Variants in MYO9A observed in about 807,000 individuals in gnomAD.
MYO9A encodes myosin IXA.
Under a neutral mutation model 293.3 loss-of-function variants are expected in MYO9A, and 103 were observed. The ratio of observed to expected loss-of-function variants is 0.35; its 90% CI spans 0.30 to 0.41. The LOEUF (loss-of-function observed/expected upper bound fraction) is 0.41. MYO9A is among the 10% of genes least tolerant of loss of function. The pLI is 1.00. For synonymous variants in MYO9A, 1,001 were observed against 1,035.7 expected, an observed-to-expected ratio of 0.97 and a Z score of 0.64; for missense variants, 2,685 against 3,033.0, an observed-to-expected ratio of 0.89 and a Z score of 2.69.
In MYO9A at chr15:71,883,617, A is replaced by C; in HGVS notation, c.5375T>G (p.Ile1792Ser). The C allele has an allele frequency of 6.2e-7, 1 of 1,613,232 alleles. No individual in the cohort carries two copies. The highest frequency in any genetic ancestry group is 8.5e-7 in the Non-Finnish European group (1 of 1,179,670). The change falls in exon 28 of 42, where the codon ATT (isoleucine) becomes AGT (serine). Residue 1792 changes from isoleucine (I) to serine (S), a missense_variant. Physicochemically the swap from Ile to Ser is moderately radical, Grantham distance 142. Transcript: ENST00000356056. The stretch of plus-strand genomic sequence containing the variant: ...ACCATCTGGAAACTGATGAGCTGGA[A>C]TCACATCTGTGCCTGCAAAGAGTGG... Reference protein sequence around the residue: ...VSPLFAGTDVIPAHQFPDELA... With the variant: ...VSPLFAGTDVSPAHQFPDELA...
Position 72,041,345 on chromosome 15 carries a change from C to T in MYO9A, c.840+4379G>A, listed in dbSNP as rs147893323. ...CCTCAGGAACTTCATCAGCTTCTGT[C>T]GGCAGGGAAAGGCAACTATCTTGAA... is the stretch of plus-strand genomic sequence containing the variant. On this transcript the variant is annotated intron_variant, in intron 2 of 41. Coordinates refer to ENST00000356056, the MANE Select transcript of MYO9A (RefSeq NM_006901.4). 1,418 of 577,926 alleles carry T rather than the reference C, an allele frequency of 2.5e-3. 10 individuals carry two copies. The highest frequency in any genetic ancestry group is 4.0e-3 in the Non-Finnish European group (1,210 of 300,914). The allele number at this position is 577,926 out of a possible 1,614,324, so 35.8% of individuals were successfully genotyped here. A position where few individuals can be genotyped will look rare whatever the true frequency, so the allele number is the denominator to read the frequency against.
Position 71,968,093 on chromosome 15 carries a change from T to C in MYO9A, c.1877A>G (p.Asp626Gly), listed in dbSNP as rs778400056. Reference protein sequence around the residue: ...FPQATNQTLLDKFKHQHEDNS... With the variant: ...FPQATNQTLLGKFKHQHEDNS... ...ATCTTCATGTTGATGCTTAAACTTGTCTAGCAATGTTTGATTTGTAGCCTG... is the reference window on the plus strand; with the variant it reads ...ATCTTCATGTTGATGCTTAAACTTGCCTAGCAATGTTTGATTTGTAGCCTG... The change falls in exon 13 of 42, where the codon GAC becomes GGC. Residue 626 changes from aspartate to glycine, a missense_variant. Around this residue, in one of 10 missense-constraint regions of MYO9A, gnomAD observed 201 missense variants for 245.2 expected, o/e 0.82. Transcript: ENST00000356056. 1.6e-5 allele frequency: 26 copies of C among 1,605,912 alleles called. No homozygotes were observed. The highest frequency in any genetic ancestry group is 7.8e-5 in the South Asian group (7 of 89,546).
At chr15:71,887,977 CCT>C (rs1175677088) in intron 27 of MYO9A, 25 bp downstream of exon 27, 3 of 1,262,552 alleles carry the variant, frequency 2.4e-6, no homozygotes, top group Non-Finnish European at 2.2e-6. Context: ...TTATATAACC[CCT>C]GTTAACTCCG....
At chr15:71,993,108 T>C (rs1487207622) in intron 10 of MYO9A, among the ~76,000 whole-genome samples, 1 of 152,126 alleles carries the variant, frequency 6.6e-6, no homozygotes, top group Admixed American at 6.5e-5. Flanking sequence ...CCCAGCACTT[T>C]GGGAGGCCAA....
chr15:71,883,805 T>C, intron 27 of MYO9A, 69 bp from the exon 28 acceptor site: 3 of 1,360,700 alleles, frequency 2.2e-6, no homozygotes, highest in Non-Finnish European at 3.0e-6. Flanking sequence ...TATATATCAC[T>C]TTAAGCTTTA....
At chr15:72,049,660 T>C (rs1332548524) in intron 1 of MYO9A, among the ~76,000 whole-genome samples, 2 of 152,236 alleles carry the variant, frequency 1.3e-5, no homozygotes, top group Non-Finnish European at 2.9e-5. Context: ...CATGAGATTG[T>C]CATAGAAGCA....
At chr15:72,101,544 C>T (rs1346818681) in intron 1 of MYO9A, among the ~76,000 whole-genome samples, 12 of 128,900 alleles carry the variant, frequency 9.3e-5, no homozygotes, top group African/African-American at 2.9e-4. Context: ...CGGCCAGCCG[C>T]CCCGTCCGGG....
intron 11 of MYO9A, among the ~76,000 whole-genome samples, chr15:71,979,423 T>C (rs1163077742): frequency 6.6e-6 from 1 of 152,094 alleles, no homozygotes; most frequent in East Asian, 1.9e-4. Flanking sequence ...TCCTCCTCAT[T>C]ATCTCTTCCC....
intron 25 of MYO9A, among the ~76,000 whole-genome samples, chr15:71,895,015 T>C: frequency 6.6e-6 from 1 of 152,202 alleles, no homozygotes; most frequent in East Asian, 1.9e-4. Flanking sequence ...TTAATTTTTA[T>C]AAAAGTAAGT....
intron 14 of MYO9A, among the ~76,000 whole-genome samples, chr15:71,955,081 CT>C (rs2059147098): frequency 6.6e-6 from 1 of 152,126 alleles, no homozygotes; most frequent in African/African-American, 2.4e-5. Context: ...ACCCTTGCCC[CT>C]GATCCCACCA....
chr15:71,997,012 C>A (rs1318158281), intron 9 of MYO9A, among the ~76,000 whole-genome samples: 1 of 151,880 alleles, frequency 6.6e-6, no homozygotes, highest in Non-Finnish European at 1.5e-5. Flanking sequence ...GGAGATCACC[C>A]CAGACTTATG....
At chr15:72,029,456 C>T (rs558972067) in intron 3 of MYO9A, among the ~76,000 whole-genome samples, 8 of 152,238 alleles carry the variant, frequency 5.3e-5, no homozygotes, top group Admixed American at 5.2e-4. Context: ...CTATAGGCAA[C>T]TGTAACACAA....
At chr15:71,860,135 T>G (rs990222229) in intron 33 of MYO9A, among the ~76,000 whole-genome samples, 3 of 152,216 alleles carry the variant, frequency 2.0e-5, no homozygotes, top group Non-Finnish European at 2.9e-5. Flanking sequence ...CACAAATTAG[T>G]GTTCATGTTC....
intron 13 of MYO9A, among the ~76,000 whole-genome samples, chr15:71,965,730 G>A (rs1159117818): frequency 2.6e-5 from 4 of 152,170 alleles, no homozygotes; most frequent in Non-Finnish European, 2.9e-5. Context: ...AGAGCGAAGC[G>A]AGACTCCGTC....
chr15:71,827,904 T>C lies in MYO9A; in HGVS notation c.7163A>G (p.Tyr2388Cys), dbSNP rs778358789. The C allele has an allele frequency of 5.6e-6, 9 of 1,613,622 alleles. No homozygotes were observed. The highest frequency in any genetic ancestry group is 1.7e-5 in the Admixed American group (1 of 59,956). Reference sequence around the variant, plus strand: ...CTTACCTGATTTCTCAGAGATAGCATATTCAGACTCCATATTCAAATTCTC... The same window carrying C: ...CTTACCTGATTTCTCAGAGATAGCACATTCAGACTCCATATTCAAATTCTC... ...SSENLNMESE[Y>C]AISEKSERSL... The change falls in exon 41 of 42, where the codon TAT becomes TGT. Residue 2388 changes from tyrosine to cysteine, a missense_variant. Physicochemically the swap from Tyr to Cys is radical, Grantham distance 194. Transcript: ENST00000356056.
At chr15:72,107,654 A>G (rs1267952568) in intron 1 of MYO9A, among the ~76,000 whole-genome samples, 2 of 152,090 alleles carry the variant, frequency 1.3e-5, no homozygotes, top group African/African-American at 4.8e-5. Flanking sequence ...TTCCAAGTCT[A>G]AAGCAGGAAA....
intron 1 of MYO9A, among the ~76,000 whole-genome samples, chr15:72,097,320 A>G (rs2150751409): frequency 6.6e-6 from 1 of 152,346 alleles, no homozygotes; most frequent in African/African-American, 2.4e-5. Flanking sequence ...ACCATGAAGT[A>G]AAGAACCTCC....
intron 27 of MYO9A, among the ~76,000 whole-genome samples, chr15:71,886,753 C>T (rs1461129774): frequency 6.6e-6 from 1 of 151,930 alleles, no homozygotes; most frequent in Non-Finnish European, 1.5e-5. Flanking sequence ...GAGAAAAGTC[C>T]TTCGTAGATT....
At chr15:72,037,168 C>CCCA (rs2078075335) in intron 2 of MYO9A, among the ~76,000 whole-genome samples, 1 of 151,198 alleles carries the variant, frequency 6.6e-6, no homozygotes, top group East Asian at 1.9e-4. Context: ...CCCCACTGCA[C>CCCA]CCACCCACCA....
Sources: gnomAD v4.1 joint callset for allele counts (sites outside exome capture counted in the v4.1 genomes callset) on GRCh38, gnomAD v4.1.1 for gene constraint, gnomAD v4.1.1 regional missense constraint, MANE v1.5 for transcripts, NCBI Gene and HGNC (gene_info 2026-07-23, HGNC 2026-07-21) for gene names.